The following OR1J2 variants were observed in gnomAD, a reference collection of about 807,000 sequenced individuals.
OR1J2 encodes olfactory receptor family 1 subfamily J member 2, also known as olfactory receptor 1J2.
For missense variants in OR1J2, 304 were observed against 246.1 expected (o/e 1.24, Z -1.57); for synonymous variants, 142 against 99.7 (o/e 1.42, Z -2.52).
chr9:122,467,041 G>A, the OR1J2 span, among the ~76,000 whole-genome samples: 1 of 152,006 alleles, frequency 6.6e-6, no homozygotes, highest in Non-Finnish European at 1.5e-5. Flanking sequence ...TCAAACAACT[G>A]GTCTCGAACT....
the OR1J2 span, chr9:122,553,717 T>G: frequency 1.2e-6 from 2 of 1,613,962 alleles, no homozygotes; most frequent in African/African-American, 2.7e-5. Context: ...CTGACCCGCG[T>G]GGCTTTCTGT....
the OR1J2 span, among the ~76,000 whole-genome samples, chr9:122,531,327 C>G: frequency 2.9e-3 from 444 of 152,242 alleles, 1 homozygote; most frequent in Non-Finnish European, 5.2e-3. Flanking sequence ...GGGGATAGCA[C>G]CAGGAGATAT....
chr9:122,527,380 T>C, the OR1J2 span: 3 of 713,586 alleles, frequency 4.2e-6, no homozygotes, highest in African/African-American at 3.6e-5. Context: ...AAATCTCCCT[T>C]TAAGTTCATT....
the OR1J2 span, among the ~76,000 whole-genome samples, chr9:122,548,851 G>A: frequency 6.7e-6 from 1 of 148,462 alleles, no homozygotes; most frequent in Admixed American, 6.9e-5. Flanking sequence ...TGACTTCCTT[G>A]TAGATTCTGA....
chr9:122,485,872 T>G, the OR1J2 span, among the ~76,000 whole-genome samples: 1 of 152,150 alleles, frequency 6.6e-6, no homozygotes. Context: ...GGCTGGGCTG[T>G]AGAAATAGTT....
At chr9:122,575,560 G>T in the OR1J2 span, among the ~76,000 whole-genome samples, 1 of 151,944 alleles carries the variant, frequency 6.6e-6, no homozygotes, top group Non-Finnish European at 1.5e-5. Context: ...ATTTATTTCT[G>T]ACATTAATAA....
At chr9:122,535,758 G>A in the OR1J2 span, among the ~76,000 whole-genome samples, 606 of 152,260 alleles carry the variant, frequency 4.0e-3, 5 homozygotes, top group African/African-American at 0.013. Flanking sequence ...ATGTGCGTCC[G>A]TGTGAAGAGA....
the OR1J2 span, among the ~76,000 whole-genome samples, chr9:122,483,265 T>C: frequency 1.3e-5 from 2 of 152,154 alleles, no homozygotes; most frequent in African/African-American, 2.4e-5. Flanking sequence ...ATAGATGCTG[T>C]AAAAAATTGC....
chr9:122,562,770 G>C, the OR1J2 span, among the ~76,000 whole-genome samples: 1 of 152,180 alleles, frequency 6.6e-6, no homozygotes, highest in African/African-American at 2.4e-5. Context: ...TATGGGTATT[G>C]GTCCTTCTGT....
the OR1J2 span, among the ~76,000 whole-genome samples, chr9:122,534,563 AC>A: frequency 6.6e-6 from 1 of 152,148 alleles, no homozygotes; most frequent in Non-Finnish European, 1.5e-5. Flanking sequence ...ACCGAACGAA[AC>A]TGTAAGCCGG....
downstream of OR1J2, among the ~76,000 whole-genome samples, chr9:122,515,486 A>C (rs574831678): frequency 2.0e-5 from 3 of 149,498 alleles, no homozygotes; most frequent in African/African-American, 5.1e-5. Context: ...CCGGCCAATG[A>C]CTCTCATGTC....
At chr9:122,552,185 C>T in the OR1J2 span, among the ~76,000 whole-genome samples, 1 of 150,476 alleles carries the variant, frequency 6.6e-6, no homozygotes, top group African/African-American at 2.4e-5. Context: ...AGAAGCTTCT[C>T]TATGAACCAA....
In OR1J2 at chr9:122,511,044, G is replaced by T; in HGVS notation, c.243G>T (p.Met81Ile). ...ISFSSVTVPK[M>I]LMDMRTKYKS... ...TTTCATCTGTCACTGTCCCTAAGATGCTGATGGACATGCGGACTAAGTACA... is the reference window on the plus strand; with the variant it reads ...TTTCATCTGTCACTGTCCCTAAGATTCTGATGGACATGCGGACTAAGTACA... Residue 81 changes from methionine to isoleucine, a missense_variant, in exon 1 of 1, where the codon ATG becomes ATT. By Grantham distance (10) the Met-to-Ile change is conservative. Coordinates refer to ENST00000335302, the MANE Select transcript of OR1J2 (RefSeq NM_054107.1). The T allele has an allele frequency of 6.7e-7, 1 of 1,483,570 alleles. No individual in the cohort carries two copies. The highest frequency in any genetic ancestry group is 9.4e-7 in the Non-Finnish European group (1 of 1,065,988). The allele number at this position is 1,483,570 out of a possible 1,614,324, so 91.9% of individuals were successfully genotyped here. A position where few individuals can be genotyped will look rare whatever the true frequency, so the allele number is the denominator to read the frequency against.
chr9:122,532,575 A>G, the OR1J2 span, among the ~76,000 whole-genome samples: 291 of 145,540 alleles, frequency 2.0e-3, 19 homozygotes, highest in East Asian at 0.015. Context: ...CAAAGAGTGA[A>G]TACAGCTGAA....
chr9:122,560,375 T>G, the OR1J2 span, among the ~76,000 whole-genome samples: 20 of 152,210 alleles, frequency 1.3e-4, no homozygotes, highest in Non-Finnish European at 7.3e-5. Flanking sequence ...GTCATCATGA[T>G]GCTAGCTGGT....
the OR1J2 span, among the ~76,000 whole-genome samples, chr9:122,472,209 C>A: frequency 6.6e-6 from 1 of 152,302 alleles, no homozygotes; most frequent in East Asian, 1.9e-4. Flanking sequence ...TGGATTGAAG[C>A]ATTCCCCTGA....
the OR1J2 span, among the ~76,000 whole-genome samples, chr9:122,541,856 A>G: frequency 1.3e-5 from 2 of 152,218 alleles, no homozygotes; most frequent in Non-Finnish European, 1.5e-5. Context: ...GTTACGGCAT[A>G]TATCAGCAAA....
chr9:122,531,846 T>C, the OR1J2 span, among the ~76,000 whole-genome samples: 4 of 152,138 alleles, frequency 2.6e-5, no homozygotes, highest in Non-Finnish European at 5.9e-5. Context: ...AGGGAAGAAA[T>C]GACCATGGTG....
the OR1J2 span, among the ~76,000 whole-genome samples, chr9:122,549,255 CA>C: frequency 6.6e-6 from 1 of 152,106 alleles, no homozygotes; most frequent in Admixed American, 6.6e-5. Context: ...CCTCTCTTGC[CA>C]TATGATATGC....
Sources: allele counts gnomAD v4.1 joint callset (sites outside exome capture counted in the v4.1 genomes callset), GRCh38; gene constraint gnomAD v4.1.1; transcripts MANE v1.5; gene names NCBI Gene and HGNC (gene_info 2026-07-23, HGNC 2026-07-21).